The following SACM1L variants were observed in gnomAD, a reference collection of about 807,000 sequenced individuals.
SACM1L encodes the protein SAC1 like phosphatidylinositide phosphatase.
A neutral mutation model predicts 89.5 loss-of-function variants in SACM1L; 32 were observed. The observed-to-expected ratio is 0.36, with a 90% CI of 0.27 to 0.48. SACM1L has a LOEUF of 0.48. SACM1L is among the 20% of genes least tolerant of loss of function. The probability of loss-of-function intolerance (pLI) is 0.99; values close to 1 mark genes in which losing one functional copy is unlikely to be tolerated. For synonymous variants in SACM1L, 213 were observed against 232.8 expected, an observed-to-expected ratio of 0.92 and a Z score of 0.77; for missense variants, 543 against 708.5, an observed-to-expected ratio of 0.77 and a Z score of 2.65.
chr3:45,715,320 T>C (rs1698626452), intron 7 of SACM1L, among the ~76,000 whole-genome samples: 1 of 152,170 alleles, frequency 6.6e-6, no homozygotes, highest in African/African-American at 2.4e-5. Flanking sequence ...TTCACTAAAC[T>C]TAATGCTTGT....
At position 45,739,593 on chromosome 3, in the gene SACM1L, A is replaced by G. The variant is rs1485739163; in HGVS notation, c.1576A>G (p.Ile526Val). The change falls in exon 19 of 20, where the codon ATT (isoleucine) becomes GTT (valine). Residue 526 changes from isoleucine (I) to valine (V), a missense_variant. Ile to Val is a conservative substitution (Grantham distance 29). Around this residue, in one of 2 missense-constraint regions of SACM1L, gnomAD observed 370 missense variants for 527.6 expected, o/e 0.70. Coordinates refer to ENST00000389061, the MANE Select transcript of SACM1L (RefSeq NM_014016.5). ...PRDWKFLALP[I>V]IMVVAFSMCI... ...TTTCTATTGTCTTTTCCAGTTGCCT[A>G]TTATCATGGTTGTTGCCTTTTCAAT... 1.1e-5 allele frequency: 18 copies of G among 1,613,896 alleles called. No individual in the cohort carries two copies. Among genetic ancestry groups the G allele is most frequent in the South Asian group, 3.3e-5 (3 of 91,084 alleles).
At chr3:45,689,768 G>T in intron 1 of SACM1L, 1 of 582,992 alleles carries the variant, frequency 1.7e-6, no homozygotes, top group Non-Finnish European at 3.1e-6. Context: ...CCACCGAGCC[G>T]GGGTCGGCGT....
rs1244669670 is a variant in SACM1L at position 45,744,086 on chromosome 3, A to G, written c.*417A>G. ...TATTGTCATTGTAGAAGCGGTCACTATTAGCAGGCATACTTTTCCACACAT... is the reference window on the plus strand; with the variant it reads ...TATTGTCATTGTAGAAGCGGTCACTGTTAGCAGGCATACTTTTCCACACAT... On this transcript the variant is annotated 3_prime_UTR_variant, in exon 20 of 20. Transcript: ENST00000389061. The G allele has an allele frequency of 6.5e-6, 1 of 154,546 alleles. No homozygotes were observed. The highest frequency in any genetic ancestry group is 2.4e-5 in the African/African-American group (1 of 41,500). The allele number at this position is 154,546 out of a possible 1,614,324, so 9.6% of individuals were successfully genotyped here. A position where few individuals can be genotyped will look rare whatever the true frequency, so the allele number is the denominator to read the frequency against.
At chr3:45,731,405 G>T in intron 12 of SACM1L, 25 bp downstream of exon 12, 1 of 1,502,562 alleles carries the variant, frequency 6.7e-7, no homozygotes, top group Non-Finnish European at 9.3e-7. Context: ...ATCTGTTGCA[G>T]GTCTTTTCAG....
chr3:45,718,166 A>G (rs1014056441), intron 7 of SACM1L, among the ~76,000 whole-genome samples: 1 of 152,220 alleles, frequency 6.6e-6, no homozygotes, highest in Admixed American at 6.5e-5. Context: ...AGTAGAATGG[A>G]TAAGTAACTG....
chr3:45,729,046 A>G (rs1575406919), intron 11 of SACM1L, among the ~76,000 whole-genome samples: 1 of 152,088 alleles, frequency 6.6e-6, no homozygotes, highest in East Asian at 1.9e-4. Flanking sequence ...ACTGGCTTTT[A>G]TATTTGCCCT....
chr3:45,726,279 C>T (rs962489628), intron 11 of SACM1L, among the ~76,000 whole-genome samples: 1 of 151,672 alleles, frequency 6.6e-6, no homozygotes, highest in Non-Finnish European at 1.5e-5. Context: ...TGTTAATTCT[C>T]TAAATTTTGG....
chr3:45,726,044 T>G (rs1373936653), intron 11 of SACM1L, among the ~76,000 whole-genome samples: 1 of 152,120 alleles, frequency 6.6e-6, no homozygotes. Flanking sequence ...ATTGTGGGAA[T>G]AAATCCTTTT....
intron 13 of SACM1L, chr3:45,734,853 T>C (rs1020041480): frequency 6.3e-6 from 1 of 159,380 alleles, no homozygotes; most frequent in African/African-American, 2.4e-5. Context: ...ATTCTAAAGA[T>C]AGTATATGAA....
intron 11 of SACM1L, among the ~76,000 whole-genome samples, chr3:45,728,802 A>C (rs1357034096): frequency 1.3e-5 from 2 of 152,128 alleles, no homozygotes; most frequent in Non-Finnish European, 2.9e-5. Flanking sequence ...CTTCCTGAGC[A>C]GCTAGGACTA....
chr3:45,738,397 G>T (rs1479368000), intron 16 of SACM1L, among the ~76,000 whole-genome samples, 181 bp from the exon 17 acceptor site: 1 of 152,128 alleles, frequency 6.6e-6, no homozygotes, highest in East Asian at 1.9e-4. Flanking sequence ...TAATATTTTA[G>T]AAAGAAAATA....
At chr3:45,724,240 C>T (rs978113858) in intron 11 of SACM1L, among the ~76,000 whole-genome samples, 1 of 151,668 alleles carries the variant, frequency 6.6e-6, no homozygotes, top group African/African-American at 2.4e-5. Context: ...TGTATTCCCA[C>T]CAACAATACA....
At chr3:45,710,918 A>C (rs1698511621) in intron 5 of SACM1L, among the ~76,000 whole-genome samples, 1 of 152,148 alleles carries the variant, frequency 6.6e-6, no homozygotes, top group Non-Finnish European at 1.5e-5. Context: ...CAGTTGCTAC[A>C]TTCTCCATTT....
At chr3:45,737,444 C>A in intron 14 of SACM1L, 139 bp from the exon 15 acceptor site, 1 of 845,258 alleles carries the variant, frequency 1.2e-6, no homozygotes, top group Non-Finnish European at 1.9e-6. Flanking sequence ...AGCTGGGGCC[C>A]CCTATAGACA....
chr3:45,693,734 T>A (rs2125679463), intron 1 of SACM1L, among the ~76,000 whole-genome samples: 1 of 152,304 alleles, frequency 6.6e-6, no homozygotes, highest in South Asian at 2.1e-4. Context: ...TTGAAATGAG[T>A]CACTTACAAC....
chr3:45,706,619 T>TA (rs1273659394), intron 3 of SACM1L, among the ~76,000 whole-genome samples, 161 bp from the exon 4 acceptor site: 1 of 152,262 alleles, frequency 6.6e-6, no homozygotes, highest in Non-Finnish European at 1.5e-5. Flanking sequence ...CTGACCTTTC[T>TA]ATTCATAAAT....
intron 11 of SACM1L, among the ~76,000 whole-genome samples, chr3:45,725,087 C>G (rs1698887191): frequency 6.6e-6 from 1 of 152,166 alleles, no homozygotes. Context: ...GTTACTACAG[C>G]TTTGTGTAAT....
chr3:45,710,201 C>CT (rs556443344), intron 5 of SACM1L, among the ~76,000 whole-genome samples: 92 of 142,322 alleles, frequency 6.5e-4, no homozygotes, highest in South Asian at 1.1e-3. Flanking sequence ...TTTTATTTTG[C>CT]TTTTTTTTTT....
rs377143112 is a variant in SACM1L, at chr3:45,732,128, A to G, written c.1077A>G (p.Val359=). Residue 359 remains valine, a synonymous_variant, in exon 13 of 20, where the codon GTA becomes GTG. Transcript: ENST00000389061. ...GACTAAGTATTTTATTGGATCAGGTAGCAGAAATGCAAGATGAATTAAGGT... is the reference window on the plus strand; with the variant it reads ...GACTAAGTATTTTATTGGATCAGGTGGCAGAAATGCAAGATGAATTAAGGT... ...WDRLSILLDQ[V]AEMQDELSYF... is the part of the protein sequence containing the mutation. 3.6e-5 allele frequency: 58 copies of G among 1,604,102 alleles called. 1 individual carries two copies. The highest frequency in any genetic ancestry group is 1.0e-5 in the Non-Finnish European group (12 of 1,175,250).
Sources: gnomAD v4.1 joint callset for allele counts (sites outside exome capture counted in the v4.1 genomes callset) on GRCh38, gnomAD v4.1.1 for gene constraint, gnomAD v4.1.1 regional missense constraint, MANE v1.5 for transcripts, NCBI Gene and HGNC (gene_info 2026-07-23, HGNC 2026-07-21) for gene names.